The following ZNF623 variants were observed in gnomAD, a reference collection of about 807,000 sequenced individuals.
The protein encoded by ZNF623 is zinc finger protein 623.
A neutral mutation model predicts 24.0 loss-of-function variants in ZNF623; 16 were observed. The ratio of observed to expected loss-of-function variants is 0.67; its 90% CI spans 0.45 to 1.01. The LOEUF (loss-of-function observed/expected upper bound fraction) is 1.01. Ranked by LOEUF, ZNF623 falls within the 50% of genes least tolerant of loss-of-function variation. The pLI is 0.00. For synonymous variants in ZNF623, 224 were observed against 219.8 expected (o/e 1.02, Z -0.17); for missense variants, 566 against 606.5 (o/e 0.93, Z 0.70).
chr8:143,648,166 T>G (rs1226583700), intron 1 of ZNF623, among the ~76,000 whole-genome samples: 1 of 152,090 alleles, frequency 6.6e-6, no homozygotes, highest in Non-Finnish European at 1.5e-5. Flanking sequence ...TGATAATGAG[T>G]GCACTCCCCT....
At chr8:143,641,700 C>T (rs1219795585) in intron 1 of ZNF623, among the ~76,000 whole-genome samples, 1 of 4,956 alleles carries the variant, frequency 2.0e-4, no homozygotes, top group African/African-American at 2.1e-4. Flanking sequence ...CTCCTGACCT[C>T]GTGATCCACC....
Position 143,650,696 on chromosome 8 carries a change from G to C in ZNF623, c.704G>C (p.Ser235Thr). 1 of 1,613,634 alleles carries C rather than the reference G, an allele frequency of 6.2e-7. No homozygotes were observed. The highest frequency in any genetic ancestry group is 1.3e-5 in the African/African-American group (1 of 74,802). Residue 235 changes from serine (S) to threonine (T), a missense_variant, in exon 2 of 2, where the codon AGC (serine) becomes ACC (threonine). Ser to Thr is a moderately conservative substitution (Grantham distance 58). Around this residue, in one of 3 missense-constraint regions of ZNF623, gnomAD observed 313 missense variants for 300.4 expected, o/e 1.04. Transcript: ENST00000526926. The surrounding 1 kb of genome is among the most constrained non-coding windows in gnomAD (Gnocchi z 5.2). ...CNECGKSFIR[S>T]SSLIRHYQIH... ...GAATGTGGGAAATCCTTCATAAGGA[G>C]CTCGAGCCTCATTCGCCATTATCAG...
rs1396197703 is a variant in ZNF623, at chr8:143,652,075, CCT to C, written c.*598_*599del. ...TCCCTGTGCTCCACGTGGCTTCCTA[CCT>C]CTCTCGCCTTTGTTCTTGTTGAAGG... On this transcript the variant is annotated 3_prime_UTR_variant, in exon 2 of 2. Coordinates refer to ENST00000526926, the MANE Select transcript of ZNF623 (RefSeq NM_001261843.2). 6.0e-6 allele frequency: 1 copy of C among 167,298 alleles called. No individual in the cohort carries two copies. Among genetic ancestry groups the C allele is most frequent in the Admixed American group, 6.5e-5 (1 of 15,282 alleles). The allele number at this position is 167,298 out of a possible 1,614,324, so 10.4% of individuals were successfully genotyped here.
intron 1 of ZNF623, among the ~76,000 whole-genome samples, chr8:143,638,759 A>T (rs958199242): frequency 4.6e-5 from 7 of 151,406 alleles, no homozygotes; most frequent in Non-Finnish European, 7.4e-5. Flanking sequence ...TGTCTCAAAA[A>T]ATATATATAT....
chr8:143,636,268 C>T (rs1446785584), intron 1 of ZNF623, 123 bp downstream of exon 1: 1 of 152,134 alleles, frequency 6.6e-6, no homozygotes, highest in Non-Finnish European at 1.5e-5. Flanking sequence ...CCGCAGGCCG[C>T]TGCCCGCCCC....
At chr8:143,641,015 T>A (rs976319442) in intron 1 of ZNF623, among the ~76,000 whole-genome samples, 3 of 147,884 alleles carry the variant, frequency 2.0e-5, no homozygotes, top group Non-Finnish European at 4.5e-5. Flanking sequence ...ATTGAAGCAA[T>A]TCAGTGACAT....
intron 1 of ZNF623, among the ~76,000 whole-genome samples, chr8:143,643,779 C>T (rs1035964531): frequency 5.9e-5 from 9 of 152,160 alleles, no homozygotes; most frequent in East Asian, 3.8e-4. Flanking sequence ...CTCAGCACTT[C>T]GTCTGTTGTG....
intron 1 of ZNF623, among the ~76,000 whole-genome samples, chr8:143,638,370 T>TA (rs1563696193): frequency 6.7e-6 from 1 of 149,028 alleles, no homozygotes; most frequent in Non-Finnish European, 1.5e-5. Flanking sequence ...TCTCAAAAGT[T>TA]AAAAAAATTA....
In ZNF623 at chr8:143,651,342, T is replaced by G. The variant is rs1191007437; in HGVS notation, c.1350T>G (p.Ser450Arg). 1 of 1,614,202 alleles carries G rather than the reference T, an allele frequency of 6.2e-7. No homozygotes were observed. The highest frequency in any genetic ancestry group is 8.5e-7 in the Non-Finnish European group (1 of 1,180,048). Residue 450 changes from serine to arginine, a missense_variant, in exon 2 of 2, where the codon AGT (serine) becomes AGG (arginine). Around this residue, in one of 3 missense-constraint regions of ZNF623, gnomAD observed 136 missense variants for 131.9 expected, o/e 1.03. Transcript: ENST00000526926. ...IHTEEKLYEC[S>R]QYGRDFNSTT... ...CTGAAGAGAAGCTCTATGAATGTAG[T>G]CAGTATGGGAGAGATTTTAACTCAA...
chr8:143,646,241 C>T lies in ZNF623; in HGVS notation c.-95-3657C>T, dbSNP rs147296537. On this transcript the variant is annotated intron_variant, in intron 1 of 1. Coordinates refer to ENST00000526926, the MANE Select transcript of ZNF623 (RefSeq NM_001261843.2). ...ATTGTTTTTTAGAGATGGAGTCTTG[C>T]TATGTTGCCCAGGCTGGTCTTGGAC... is the stretch of plus-strand genomic sequence containing the variant. Among the ~76,000 whole-genome samples, 489 of 152,202 alleles carry T rather than the reference C, an allele frequency of 3.2e-3. 3 individuals are homozygous for T. The highest frequency in any genetic ancestry group is 6.8e-3 in the Middle Eastern group (2 of 294).
chr8:143,650,682 A>G lies in ZNF623; in HGVS notation c.690A>G (p.Lys230=), dbSNP rs1260214234. The change falls in exon 2 of 2, where the codon AAA becomes AAG. Residue 230 remains lysine (K), a synonymous_variant. Coordinates refer to ENST00000526926, the MANE Select transcript of ZNF623 (RefSeq NM_001261843.2). This position sits in a 1 kb window ranked among gnomAD's most constrained non-coding sequence, Gnocchi z 5.2. ...CCTATGAGTGCAATGAATGTGGGAA[A>G]TCCTTCATAAGGAGCTCGAGCCTCA... is the stretch of plus-strand genomic sequence containing the variant. ...ERPYECNECG[K]SFIRSSSLIR... The G allele has an allele frequency of 1.2e-6, 2 of 1,613,994 alleles. No homozygotes were observed. The highest frequency in any genetic ancestry group is 1.3e-5 in the African/African-American group (1 of 74,896).
intron 1 of ZNF623, among the ~76,000 whole-genome samples, chr8:143,636,991 C>G (rs1182571395): frequency 6.6e-6 from 1 of 152,198 alleles, no homozygotes; most frequent in Non-Finnish European, 1.5e-5. Context: ...TCTTCGCTGC[C>G]TCAGGGTCAT....
At chr8:143,637,136 C>T (rs958834238) in intron 1 of ZNF623, among the ~76,000 whole-genome samples, 1 of 152,194 alleles carries the variant, frequency 6.6e-6, no homozygotes, top group Non-Finnish European at 1.5e-5. Context: ...GTTCTCTGAC[C>T]TTACGCTTCT....
chr8:143,638,354 AAACTTTCTCAAAAGTT>A (rs1456578432), intron 1 of ZNF623, among the ~76,000 whole-genome samples: 47 of 150,960 alleles, frequency 3.1e-4, no homozygotes, highest in African/African-American at 1.1e-3. Flanking sequence ...AAAAAAAAAA[AAACTTTCTCAAAAGTT>A]AAAAAAATTA....
rs373603798 is a variant in ZNF623, at chr8:143,651,375, C to T, written c.1383C>T (p.Asn461=). 3.4e-5 allele frequency: 55 copies of T among 1,613,970 alleles called. No homozygotes were observed. The highest frequency in any genetic ancestry group is 1.1e-4 in the South Asian group (10 of 91,078). ...GGAGAGATTTTAACTCAACTACAAA[C>T]GTTAAAAATAATCAAAGGGTTCACC... ...QYGRDFNSTT[N]VKNNQRVHQE... The change falls in exon 2 of 2, where the codon AAC becomes AAT. Residue 461 remains asparagine (N), a synonymous_variant. Coordinates refer to ENST00000526926, the MANE Select transcript of ZNF623 (RefSeq NM_001261843.2).
intron 1 of ZNF623, among the ~76,000 whole-genome samples, chr8:143,642,830 C>G (rs1815086562): frequency 6.6e-6 from 1 of 152,150 alleles, no homozygotes; most frequent in Non-Finnish European, 1.5e-5. Context: ...TTCCTGTTAC[C>G]TGCCGGGCAC....
rs1211537584 is a variant in ZNF623 at position 143,642,023 on chromosome 8, C to T, written c.-96+5878C>T. On this transcript the variant is annotated intron_variant, in intron 1 of 1. Transcript: ENST00000526926. ...AGCCTGTCCTTTTCAATCTTTGAAG[C>T]CAGGCATTGACTTCTCTCTAGCTGC... Among the ~76,000 whole-genome samples, 8 of 152,304 alleles carry T rather than the reference C, an allele frequency of 5.3e-5. No homozygotes were observed. In the East Asian group the frequency reaches 1.2e-3, roughly 22 times the overall value.
intron 1 of ZNF623, among the ~76,000 whole-genome samples, chr8:143,645,648 G>A (rs1815161725): frequency 6.6e-6 from 1 of 152,168 alleles, no homozygotes; most frequent in African/African-American, 2.4e-5. Flanking sequence ...CACCATGTGT[G>A]GAGTGTGCAC....
chr8:143,642,727 G>A (rs1222955560), intron 1 of ZNF623, among the ~76,000 whole-genome samples: 1 of 152,228 alleles, frequency 6.6e-6, no homozygotes, highest in Non-Finnish European at 1.5e-5. Context: ...GGGAACAGCC[G>A]GTTGGTGGTG....
Sources: gnomAD v4.1 joint callset for allele counts (sites outside exome capture counted in the v4.1 genomes callset) on GRCh38, gnomAD v4.1.1 for gene constraint, gnomAD v4.1.1 regional missense constraint, Gnocchi (gnomAD v3.1) non-coding constraint, MANE v1.5 for transcripts, NCBI Gene and HGNC (gene_info 2026-07-23, HGNC 2026-07-21) for gene names.